Variants in FHL2 observed in about 807,000 individuals in gnomAD.
FHL2 encodes the protein four and a half LIM domains 2, also known as four and a half LIM domains protein 2.
FHL2 carries 20 observed loss-of-function variants against 32.7 expected under a neutral mutation model. That is an observed-to-expected ratio of 0.61 (90% CI 0.43 to 0.89). The LOEUF is 0.89. Ranked by LOEUF, FHL2 falls within the 40% of genes least tolerant of loss-of-function variation. The pLI, the probability that FHL2 is intolerant of heterozygous loss-of-function variation, is 0.00. For missense variants in FHL2, 311 were observed against 358.6 expected, an observed-to-expected ratio of 0.87 and a Z score of 1.07; for synonymous variants, 123 against 128.1, an observed-to-expected ratio of 0.96 and a Z score of 0.27.
chr2:105,418,883 G>A (rs568124864), intron 1 of FHL2, among the ~76,000 whole-genome samples: 9 of 152,066 alleles, frequency 5.9e-5, no homozygotes, highest in Non-Finnish European at 7.4e-5. Flanking sequence ...AATCTCTTAC[G>A]GTGACTAGTT....
At chr2:105,422,554 C>T (rs1203078813) in intron 1 of FHL2, among the ~76,000 whole-genome samples, 1 of 150,416 alleles carries the variant, frequency 6.6e-6, no homozygotes, top group Admixed American at 6.7e-5. Flanking sequence ...AACTAAACCA[C>T]AAGCCACTTA....
Position 105,438,463 on chromosome 2 carries a change from C to A in FHL2, c.-89G>T, listed in dbSNP as rs73948414. 8,436 of 985,584 alleles carry A rather than the reference C, an allele frequency of 8.6e-3. 135 individuals carry two copies. Among genetic ancestry groups the A allele is most frequent in the African/African-American group, 0.059 (3,357 of 57,362 alleles). The allele number at this position is 985,584 out of a possible 1,614,324, so 61.1% of individuals were successfully genotyped here. ...TGAGCAGGGACAGCTGCTGTGCAGG[C>A]GGACTGCCTGGTTGGATGGCCCCAA... On this transcript the variant is annotated 5_prime_UTR_variant, in exon 1 of 6. Transcript: ENST00000393352.
chr2:105,436,662 A>G (rs924814816), intron 1 of FHL2, among the ~76,000 whole-genome samples: 1 of 152,144 alleles, frequency 6.6e-6, no homozygotes, highest in Non-Finnish European at 1.5e-5. Flanking sequence ...TTTTTTAAAA[A>G]AAACGAATAT....
intron 3 of FHL2, among the ~76,000 whole-genome samples, chr2:105,383,755 C>T (rs1198283086): frequency 3.3e-5 from 5 of 152,188 alleles, no homozygotes; most frequent in African/African-American, 7.2e-5. Context: ...TTTTTTCTAT[C>T]ATTGCTTCCA....
At chr2:105,358,958 G>A (rs186645533), downstream of FHL2, 139 of 152,292 alleles carry the variant, frequency 9.1e-4, 1 homozygote, top group African/African-American at 3.1e-3. Flanking sequence ...CAGTAAGACT[G>A]CAGGTTTCCT....
At chr2:105,437,171 T>C (rs755370953) in intron 1 of FHL2, among the ~76,000 whole-genome samples, 3 of 152,246 alleles carry the variant, frequency 2.0e-5, no homozygotes, top group Non-Finnish European at 4.4e-5. Flanking sequence ...ATGGAAGTTA[T>C]GCATTAAAAT....
intron 1 of FHL2, among the ~76,000 whole-genome samples, chr2:105,406,021 G>A (rs575275400): frequency 6.6e-6 from 1 of 152,310 alleles, no homozygotes; most frequent in East Asian, 1.9e-4. Context: ...ATTTGTGTGT[G>A]ATGAAAACCT....
intron 6 of FHL2, 57 bp downstream of exon 6, chr2:105,363,228 C>A: frequency 6.4e-7 from 1 of 1,565,776 alleles, no homozygotes; most frequent in Non-Finnish European, 8.8e-7. Flanking sequence ...GGCTAAAATG[C>A]TAGGCCTTGT....
At chr2:105,420,501 A>G (rs183303559) in intron 1 of FHL2, among the ~76,000 whole-genome samples, 1 of 152,250 alleles carries the variant, frequency 6.6e-6, no homozygotes, top group Non-Finnish European at 1.5e-5. Flanking sequence ...AATTTGGGGG[A>G]GAGACACTCA....
At chr2:105,400,916 C>T (rs1573382052), upstream of FHL2, among the ~76,000 whole-genome samples, 1 of 151,676 alleles carries the variant, frequency 6.6e-6, no homozygotes, top group African/African-American at 2.4e-5. Flanking sequence ...TGTGGTCATT[C>T]GATAGGGTCA....
intron 1 of FHL2, 74 bp downstream of exon 1, chr2:105,398,768 C>G: frequency 8.0e-7 from 1 of 1,256,062 alleles, no homozygotes; most frequent in Non-Finnish European, 1.1e-6. Context: ...TCCTTTCTCC[C>G]GGCTTCTCCC....
At chr2:105,382,307 C>T (rs1395318981) in intron 3 of FHL2, among the ~76,000 whole-genome samples, 2 of 152,184 alleles carry the variant, frequency 1.3e-5, no homozygotes, top group Non-Finnish European at 2.9e-5. Context: ...AGGTGGTCAC[C>T]ATCTCTTACT....
rs753388370 is a variant in FHL2 at position 105,373,620 on chromosome 2, T to C, written c.270A>G (p.Thr90=). The C allele has an allele frequency of 1.2e-6, 2 of 1,614,224 alleles. No homozygotes were observed. Among genetic ancestry groups the C allele is most frequent in the Non-Finnish European group, 1.7e-6 (2 of 1,180,040 alleles). Reference sequence around the variant, plus strand: ...ATGAGTACTCGTTGGAATAGCAGTCTGTACAGAGCAGCTGGTCCTCCTTGG... The same window carrying C: ...ATGAGTACTCGTTGGAATAGCAGTCCGTACAGAGCAGCTGGTCCTCCTTGG... ...FAAKEDQLLC[T]DCYSNEYSSK... The change falls in exon 4 of 7, where the codon ACA becomes ACG. Residue 90 remains threonine (T), a synonymous_variant. Transcript: ENST00000530340.
chr2:105,378,622 C>T (rs1681651738), intron 3 of FHL2: 1 of 158,052 alleles, frequency 6.3e-6, no homozygotes, highest in Admixed American at 6.2e-5. Context: ...TGCGTTATCT[C>T]GGCATCATTC....
At chr2:105,400,686 ATT>A (rs57296524), upstream of FHL2, among the ~76,000 whole-genome samples, 13 of 132,844 alleles carry the variant, frequency 9.8e-5, no homozygotes, top group Admixed American at 2.3e-4. Flanking sequence ...TTATATTTTA[ATT>A]TTTTTTTTTT....
intron 2 of FHL2, among the ~76,000 whole-genome samples, chr2:105,392,756 G>C (rs1385579079): frequency 6.6e-6 from 1 of 150,650 alleles, no homozygotes; most frequent in African/African-American, 2.4e-5. Context: ...AAAAAGGAAG[G>C]AGGAGGGTAA....
intron 1 of FHL2, among the ~76,000 whole-genome samples, chr2:105,417,540 C>A (rs1683968796): frequency 6.6e-6 from 1 of 150,886 alleles, no homozygotes; most frequent in Non-Finnish European, 1.5e-5. Flanking sequence ...GAAAATTAGC[C>A]AGGTGTGGCA....
intron 2 of FHL2, among the ~76,000 whole-genome samples, chr2:105,387,874 G>GTC (rs1367495592): frequency 2.6e-5 from 4 of 152,210 alleles, no homozygotes; most frequent in African/African-American, 9.7e-5. Context: ...AGCGATGACA[G>GTC]ATTGGATAAA....
intron 1 of FHL2, among the ~76,000 whole-genome samples, chr2:105,431,172 T>C (rs1684421434): frequency 6.6e-6 from 1 of 152,168 alleles, no homozygotes; most frequent in South Asian, 2.1e-4. Flanking sequence ...ATTAAATACA[T>C]GAAAATAGAT....
Sources: gnomAD v4.1 joint callset for allele counts (sites outside exome capture counted in the v4.1 genomes callset) on GRCh38, gnomAD v4.1.1 for gene constraint, MANE v1.5 for transcripts, NCBI Gene and HGNC (gene_info 2026-07-23, HGNC 2026-07-21) for gene names.